Variants in PHACTR1 observed in about 807,000 individuals in gnomAD.
PHACTR1 encodes phosphatase and actin regulator 1.
PHACTR1 carries 16 observed loss-of-function variants against 69.2 expected under a neutral mutation model. That is an observed-to-expected ratio of 0.23 (90% CI 0.16 to 0.35). PHACTR1 has a LOEUF of 0.35. Among genes scored for constraint, PHACTR1 ranks in the 10% least tolerant of loss-of-function variants. The pLI is 1.00. For missense variants in PHACTR1, 510 were observed against 734.7 expected (o/e 0.69, Z 3.54); for synonymous variants, 312 against 284.5 (o/e 1.10, Z -0.97).
chr6:12,847,204 C>T (rs561539465), intron 4 of PHACTR1, among the ~76,000 whole-genome samples: 6 of 152,186 alleles, frequency 3.9e-5, no homozygotes, highest in South Asian at 2.1e-4. Context: ...GTAGGTAATT[C>T]GACCACACCT....
intron 4 of PHACTR1, among the ~76,000 whole-genome samples, chr6:12,880,606 A>C (rs189087438): frequency 3.6e-4 from 55 of 152,272 alleles, no homozygotes; most frequent in Middle Eastern, 3.4e-3. Flanking sequence ...AGGTGTACCC[A>C]CAAAGAGTTC....
chr6:13,221,298 G>A (rs371584753), intron 8 of PHACTR1, among the ~76,000 whole-genome samples: 11 of 152,126 alleles, frequency 7.2e-5, no homozygotes, highest in Admixed American at 5.9e-4. Flanking sequence ...GGGTCAGATC[G>A]TGAGGCACCT....
chr6:13,248,229 C>T (rs1773861587), intron 10 of PHACTR1, among the ~76,000 whole-genome samples: 1 of 152,192 alleles, frequency 6.6e-6, no homozygotes, highest in African/African-American at 2.4e-5. Context: ...ATTCTCTTCC[C>T]ACAGTCAGCA....
At chr6:13,192,361 G>T (rs2113785797) in intron 7 of PHACTR1, among the ~76,000 whole-genome samples, 1 of 152,244 alleles carries the variant, frequency 6.6e-6, no homozygotes, top group South Asian at 2.1e-4. Context: ...AGATGCAAAG[G>T]ACACACAGGC....
At chr6:13,219,396 G>A (rs371035167) in intron 8 of PHACTR1, among the ~76,000 whole-genome samples, 16 of 152,158 alleles carry the variant, frequency 1.1e-4, no homozygotes, top group African/African-American at 3.6e-4. Flanking sequence ...GGGCAGGGAC[G>A]GGGCACTGAA....
At chr6:13,255,261 A>T (rs951785711) in intron 10 of PHACTR1, among the ~76,000 whole-genome samples, 6 of 152,162 alleles carry the variant, frequency 3.9e-5, no homozygotes, top group African/African-American at 1.4e-4. Flanking sequence ...GAACAACACC[A>T]AGGGGAAGGT....
At chr6:13,144,572 G>GT (rs1467330045) in intron 5 of PHACTR1, among the ~76,000 whole-genome samples, 4 of 151,874 alleles carry the variant, frequency 2.6e-5, no homozygotes, top group Admixed American at 1.3e-4. Flanking sequence ...ACCCCAATAG[G>GT]TTTTTTTATG....
At chr6:13,183,460 G>A (rs1401503148) in intron 7 of PHACTR1, among the ~76,000 whole-genome samples, 1 of 152,136 alleles carries the variant, frequency 6.6e-6, no homozygotes, top group Non-Finnish European at 1.5e-5. Flanking sequence ...GGAGGGATGA[G>A]GTTTCACAGG....
intron 3 of PHACTR1, among the ~76,000 whole-genome samples, chr6:12,723,261 G>T (rs895328936): frequency 6.6e-6 from 1 of 151,986 alleles, no homozygotes; most frequent in Non-Finnish European, 1.5e-5. Context: ...ATTATGGATC[G>T]TCAGTCACTT....
chr6:12,748,583 A>G (rs1185445823), intron 3 of PHACTR1, among the ~76,000 whole-genome samples: 1 of 152,176 alleles, frequency 6.6e-6, no homozygotes, highest in Non-Finnish European at 1.5e-5. Context: ...TTCACACCCC[A>G]GAAACCTTTC....
At chr6:13,258,309 C>G (rs138980600) in intron 10 of PHACTR1, among the ~76,000 whole-genome samples, 1 of 150,632 alleles carries the variant, frequency 6.6e-6, no homozygotes, top group Admixed American at 6.6e-5. Flanking sequence ...GAGCTGAGAT[C>G]GCGCCACTGC....
chr6:13,112,172 T>C (rs1817151474), intron 5 of PHACTR1, among the ~76,000 whole-genome samples: 1 of 152,198 alleles, frequency 6.6e-6, no homozygotes, highest in Non-Finnish European at 1.5e-5. Context: ...GATAATGGCC[T>C]CCACTTTCAT....
intron 4 of PHACTR1, among the ~76,000 whole-genome samples, chr6:12,968,349 C>A (rs1027452523): frequency 6.6e-6 from 1 of 152,154 alleles, no homozygotes; most frequent in Non-Finnish European, 1.5e-5. Context: ...AAGCAAAATT[C>A]TCTTTCTTCC....
chr6:12,784,458 C>A (rs1771254791), intron 4 of PHACTR1, among the ~76,000 whole-genome samples: 1 of 150,608 alleles, frequency 6.6e-6, no homozygotes, highest in African/African-American at 2.5e-5. Context: ...ACACATATAC[C>A]TATACACACA....
intron 5 of PHACTR1, among the ~76,000 whole-genome samples, chr6:13,138,102 TC>T (rs1419691432): frequency 6.6e-6 from 1 of 151,986 alleles, no homozygotes; most frequent in African/African-American, 2.4e-5. Context: ...AATGTAGGAG[TC>T]CTCATAAGCA....
rs531699308 is a variant in PHACTR1 at position 13,027,215 on chromosome 6, A to G, written c.251-26150A>G. ...AAATGCTCTCTTACTTTGCTTGCTT[A>G]AGGATATTCAGAGTCACTATTTGTT... On this transcript the variant is annotated intron_variant, in intron 4 of 14. Coordinates refer to ENST00000332995, the MANE Select transcript of PHACTR1 (RefSeq NM_030948.6). Among the ~76,000 whole-genome samples the G allele has an allele frequency of 1.8e-4, 28 of 152,286 alleles. No homozygotes were observed. The South Asian group carries it at 5.8e-3, about 32-fold the overall frequency.
Position 13,286,352 on chromosome 6 carries a change from C to T in PHACTR1, c.1727+130C>T, listed in dbSNP as rs1562133521. 6.9e-6 allele frequency: 5 copies of T among 729,660 alleles called. No individual in the cohort carries two copies. The East Asian group carries it at 1.5e-4, about 22-fold the overall frequency. The allele number at this position is 729,660 out of a possible 1,614,324, so 45.2% of individuals were successfully genotyped here. ...CATGAGAGGGAAGATAGTAGGAAGGCAGGCATGCGGTTCCACTTTAGGTTA... is the reference window on the plus strand; with the variant it reads ...CATGAGAGGGAAGATAGTAGGAAGGTAGGCATGCGGTTCCACTTTAGGTTA... On this transcript the variant is annotated intron_variant, in intron 14 of 14. Coordinates refer to ENST00000332995, the MANE Select transcript of PHACTR1 (RefSeq NM_030948.6).
chr6:12,828,228 G>C (rs1282024840), intron 4 of PHACTR1, among the ~76,000 whole-genome samples: 2 of 152,110 alleles, frequency 1.3e-5, no homozygotes, highest in African/African-American at 4.8e-5. Flanking sequence ...GGGACATTTT[G>C]CTTCTCTATT....
chr6:12,738,501 AAAC>A (rs568217262), intron 3 of PHACTR1, among the ~76,000 whole-genome samples: 12 of 152,282 alleles, frequency 7.9e-5, no homozygotes, highest in Admixed American at 4.6e-4. Context: ...TGATGGCTGC[AAAC>A]TGATGATTTT....
Sources: gnomAD v4.1 joint callset for allele counts (sites outside exome capture counted in the v4.1 genomes callset) on GRCh38, gnomAD v4.1.1 for gene constraint, MANE v1.5 for transcripts, NCBI Gene and HGNC (gene_info 2026-07-23, HGNC 2026-07-21) for gene names.